USP31: variants seen among roughly 807,000 people sequenced by gnomAD.
USP31 encodes ubiquitin carboxyl-terminal hydrolase 31.
In USP31, 44 loss-of-function variants were observed where a neutral mutation model predicts 119.4. That is an observed-to-expected ratio of 0.37 (90% CI 0.29 to 0.47). The LOEUF (loss-of-function observed/expected upper bound fraction) is 0.47. Ranked by LOEUF, USP31 falls within the 20% of genes least tolerant of loss-of-function variation. USP31 has a pLI of 0.99. For synonymous variants in USP31, 749 were observed against 705.6 expected, an observed-to-expected ratio of 1.06 and a Z score of -0.97; for missense variants, 1,643 against 1,730.2, an observed-to-expected ratio of 0.95 and a Z score of 0.89.
intron 1 of USP31, among the ~76,000 whole-genome samples, chr16:23,137,202 G>A (rs974095081): frequency 1.3e-5 from 2 of 152,096 alleles, no homozygotes; most frequent in African/African-American, 4.8e-5. Context: ...GACAGAGCAA[G>A]ACCCTGTCTC....
rs1567236497 is a variant in USP31 at position 23,102,474 on chromosome 16, G to A, written c.1090-11C>T. 6.3e-7 allele frequency: 1 copy of A among 1,595,956 alleles called. No individual in the cohort carries two copies. Among genetic ancestry groups the A allele is most frequent in the Admixed American group, 1.8e-5 (1 of 56,624 alleles). On this transcript the variant is annotated splice_polypyrimidine_tract_variant and intron_variant, in intron 5 of 15. Transcript: ENST00000219689. The stretch of plus-strand genomic sequence containing the variant: ...TTCTGTTAACACAATCTAAAAATAG[G>A]AAAAATGTAAACAGGTGGGTAACTG...
At chr16:23,084,345 G>A (rs1900995410) in intron 11 of USP31, among the ~76,000 whole-genome samples, 1 of 152,074 alleles carries the variant, frequency 6.6e-6, no homozygotes, top group African/African-American at 2.4e-5. Context: ...TCTACTTTCT[G>A]GTCTATATCT....
rs1216515456 is a variant in USP31, at chr16:23,064,391, C to T, written c.*3655G>A. ...AAGGCTGCCACTCTTGGTCCCTTTA[C>T]ATACTGTTGCTATTTTTTTCATGAT... On this transcript the variant is annotated 3_prime_UTR_variant, in exon 16 of 16. Coordinates refer to ENST00000219689, the MANE Select transcript of USP31 (RefSeq NM_020718.4). 1 of 152,188 alleles carries T rather than the reference C, an allele frequency of 6.6e-6. No homozygotes were observed. The highest frequency in any genetic ancestry group is 1.5e-5 in the Non-Finnish European group (1 of 68,046). The allele number at this position is 152,188 out of a possible 1,614,324, so 9.4% of individuals were successfully genotyped here.
In USP31 at chr16:23,124,163, G is replaced by A. The variant is rs909992976; in HGVS notation, c.634-15980C>T. 9.9e-5 allele frequency among the ~76,000 whole-genome samples: 15 copies of A among 152,148 alleles called. No individual in the cohort carries two copies. In the South Asian group the frequency reaches 1.7e-3, roughly 17 times the overall value. On this transcript the variant is annotated intron_variant, in intron 1 of 15. Coordinates refer to ENST00000219689, the MANE Select transcript of USP31 (RefSeq NM_020718.4). ...TATAGCAATCCAGAACCACTCAATA[G>A]GGCCTATGTAGTCCCACTAGCCCCA...
In USP31 at chr16:23,087,801, T is replaced by C; in HGVS notation, c.1450A>G (p.Thr484Ala). The C allele has an allele frequency of 6.2e-7, 1 of 1,614,002 alleles. No homozygotes were observed. Among genetic ancestry groups the C allele is most frequent in the South Asian group, 1.1e-5 (1 of 91,088 alleles). Residue 484 changes from threonine (T) to alanine (A), a missense_variant, in exon 8 of 16, where the codon ACA becomes GCA. Physicochemically the swap from Thr to Ala is moderately conservative, Grantham distance 58. Around this residue, in one of 5 missense-constraint regions of USP31, gnomAD observed 219 missense variants for 226.4 expected, o/e 0.97. Transcript: ENST00000219689. ...GLPFVLHLEK[T>A]IAWDLLQKEI... ...TTCTGCAGAAGGTCCCAAGCTATTG[T>C]CTTCTCTAAGTGCAGCACAAAAGGC...
At chr16:23,082,315 A>G (rs565591339) in intron 12 of USP31, 123 bp downstream of exon 12, 3 of 1,320,246 alleles carry the variant, frequency 2.3e-6, no homozygotes, top group Admixed American at 4.0e-5. Flanking sequence ...TGTCTATAAC[A>G]TACACAGACA....
chr16:23,072,918 C>T (rs1024079047), intron 14 of USP31, among the ~76,000 whole-genome samples: 2 of 151,930 alleles, frequency 1.3e-5, no homozygotes, highest in Non-Finnish European at 2.9e-5. Context: ...AGCAGGGCGT[C>T]ATTCTGCTTG....
chr16:23,110,655 T>C (rs955274526), intron 1 of USP31, among the ~76,000 whole-genome samples: 4 of 152,080 alleles, frequency 2.6e-5, no homozygotes, highest in African/African-American at 9.7e-5. Context: ...ACAGCCTGAG[T>C]TCAGATCTCT....
chr16:23,142,839 C>T (rs773744323), intron 1 of USP31, among the ~76,000 whole-genome samples: 1 of 152,178 alleles, frequency 6.6e-6, no homozygotes, highest in Admixed American at 6.5e-5. Flanking sequence ...TAAATGTGAC[C>T]TACACAATTT....
chr16:23,078,098 G>T (rs1900658456), intron 13 of USP31, among the ~76,000 whole-genome samples: 1 of 152,016 alleles, frequency 6.6e-6, no homozygotes, highest in Non-Finnish European at 1.5e-5. Flanking sequence ...CAGATCACCA[G>T]GTCAGGAGAT....
Position 23,073,880 on chromosome 16 carries a change from G to A in USP31, c.2177C>T (p.Ala726Val). ...HGTMQGGHYTAYCKNSVDGLW... is the reference protein window; with the variant it reads ...HGTMQGGHYTVYCKNSVDGLW... ...GCCGTCCACAGAGTTCTTACAGTAC[G>A]CTGCCAAAGAGAGCCCGCCATCAGC... Residue 726 changes from alanine (A) to valine (V), a missense_variant and splice_region_variant, in exon 14 of 16, where the codon GCG (alanine) becomes GTG (valine). Coordinates refer to ENST00000219689, the MANE Select transcript of USP31 (RefSeq NM_020718.4). 6.2e-7 allele frequency: 1 copy of A among 1,613,820 alleles called. No individual in the cohort carries two copies. The highest frequency in any genetic ancestry group is 8.5e-7 in the Non-Finnish European group (1 of 1,179,992).
intron 15 of USP31, among the ~76,000 whole-genome samples, chr16:23,071,435 C>T (rs1236920389): frequency 6.6e-6 from 1 of 150,522 alleles, no homozygotes; most frequent in East Asian, 1.9e-4. Flanking sequence ...TAAGGTCTAT[C>T]CTGCCATTAC....
intron 8 of USP31, among the ~76,000 whole-genome samples, 197 bp from the exon 9 acceptor site, chr16:23,087,383 A>G (rs971267783): frequency 6.6e-6 from 1 of 152,266 alleles, no homozygotes; most frequent in Admixed American, 6.5e-5. Flanking sequence ...TTACGTATCA[A>G]ATATGTTATG....
intron 1 of USP31, among the ~76,000 whole-genome samples, chr16:23,138,741 C>T (rs1903265565): frequency 6.6e-6 from 1 of 152,044 alleles, no homozygotes; most frequent in Non-Finnish European, 1.5e-5. Flanking sequence ...ACAGGGTTTG[C>T]TGCCCTGCAA....
chr16:23,144,914 A>G (rs1903462275), intron 1 of USP31, among the ~76,000 whole-genome samples: 1 of 152,336 alleles, frequency 6.6e-6, no homozygotes, highest in South Asian at 2.1e-4. Flanking sequence ...GAATCTAATT[A>G]TATCACTTCC....
chr16:23,070,954 T>C (rs748449019), intron 15 of USP31, among the ~76,000 whole-genome samples: 10 of 152,144 alleles, frequency 6.6e-5, no homozygotes, highest in Middle Eastern at 3.2e-3. Context: ...TGCTTAAAAA[T>C]AGACTGAGGC....
intron 15 of USP31, 127 bp downstream of exon 15, chr16:23,071,918 C>T: frequency 7.9e-7 from 1 of 1,272,998 alleles, no homozygotes; most frequent in Non-Finnish European, 1.1e-6. Flanking sequence ...CACAGCTCCA[C>T]TCCCTGTAGC....
At chr16:23,136,102 G>C (rs1250420325) in intron 1 of USP31, among the ~76,000 whole-genome samples, 2 of 152,160 alleles carry the variant, frequency 1.3e-5, no homozygotes, top group African/African-American at 4.8e-5. Context: ...AACAGGGAAA[G>C]CACAATTTTG....
rs747669560 is a variant in USP31 at position 23,065,909 on chromosome 16, A to G, written c.*2137T>C. The G allele has an allele frequency of 4.6e-5, 7 of 152,356 alleles. No homozygotes were observed. The highest frequency in any genetic ancestry group is 8.8e-5 in the Non-Finnish European group (6 of 68,036). The allele number at this position is 152,356 out of a possible 1,614,324, so 9.4% of individuals were successfully genotyped here. On this transcript the variant is annotated 3_prime_UTR_variant, in exon 16 of 16. Transcript: ENST00000219689. ...TTCAAATGAGATCTACCTATTAAAC[A>G]AAAATGAGAGGTTTGAGTTAGACAT...
Sources: allele counts gnomAD v4.1 joint callset (sites outside exome capture counted in the v4.1 genomes callset), GRCh38; gene constraint gnomAD v4.1.1; regional missense constraint gnomAD v4.1.1; transcripts MANE v1.5; gene names NCBI Gene and HGNC (gene_info 2026-07-23, HGNC 2026-07-21).